The following FRMD3 variants were observed in gnomAD, a reference collection of about 807,000 sequenced individuals.
FRMD3 encodes the protein FERM domain-containing protein 3.
FRMD3 carries 33 observed loss-of-function variants against 70.2 expected under a neutral mutation model. The ratio of observed to expected loss-of-function variants is 0.47; its 90% CI spans 0.36 to 0.63. The LOEUF is 0.63. FRMD3 is among the 20% of genes least tolerant of loss of function. The pLI is 0.00. For missense variants in FRMD3, 632 were observed against 711.4 expected (o/e 0.89, Z 1.27); for synonymous variants, 279 against 255.9 (o/e 1.09, Z -0.86).
intron 2 of FRMD3, among the ~76,000 whole-genome samples, chr9:83,374,846 C>T (rs1825092495): frequency 6.6e-6 from 1 of 152,114 alleles, no homozygotes; most frequent in African/African-American, 2.4e-5. Flanking sequence ...GGTTAAATTA[C>T]TTTTCTAGAA....
At chr9:83,553,724 A>C in the FRMD3 span, among the ~76,000 whole-genome samples, 1 of 152,150 alleles carries the variant, frequency 6.6e-6, no homozygotes, top group African/African-American at 2.4e-5. Context: ...GGATCTCTTT[A>C]TACCAGCTAT....
At chr9:83,349,799 G>C (rs763997318) in intron 3 of FRMD3, 42 bp from the exon 4 acceptor site, 2 of 1,472,078 alleles carry the variant, frequency 1.4e-6, no homozygotes, top group African/African-American at 1.4e-5. Context: ...AGCAGCAAAA[G>C]ACCATGGCCT....
At chr9:83,427,657 G>A (rs1310639953) in intron 1 of FRMD3, among the ~76,000 whole-genome samples, 2 of 151,876 alleles carry the variant, frequency 1.3e-5, no homozygotes, top group Admixed American at 1.3e-4. Context: ...ACAAATATAA[G>A]TATTTATATA....
At chr9:83,421,691 C>G (rs773760294) in intron 1 of FRMD3, among the ~76,000 whole-genome samples, 1 of 152,156 alleles carries the variant, frequency 6.6e-6, no homozygotes, top group Non-Finnish European at 1.5e-5. Context: ...GCCCTCTCCT[C>G]CCTGGAGCCA....
At chr9:83,569,787 A>G in the FRMD3 span, among the ~76,000 whole-genome samples, 1 of 152,182 alleles carries the variant, frequency 6.6e-6, no homozygotes, top group East Asian at 1.9e-4. Flanking sequence ...ACTTAATTTA[A>G]TATATACTTC....
chr9:83,337,875 A>G (rs886916864), intron 5 of FRMD3, among the ~76,000 whole-genome samples: 2 of 152,204 alleles, frequency 1.3e-5, no homozygotes, highest in Non-Finnish European at 2.9e-5. Context: ...TAAGACCTAA[A>G]ATACTTTCAG....
intron 1 of FRMD3, among the ~76,000 whole-genome samples, chr9:83,431,270 C>T (rs1293506033): frequency 4.6e-5 from 7 of 152,184 alleles, no homozygotes; most frequent in African/African-American, 1.4e-4. Flanking sequence ...TAATGTATTT[C>T]GTGTTTTGCA....
At chr9:83,403,471 G>A (rs1826011507) in intron 1 of FRMD3, among the ~76,000 whole-genome samples, 1 of 152,102 alleles carries the variant, frequency 6.6e-6, no homozygotes, top group Admixed American at 6.5e-5. Flanking sequence ...AGTTATACTT[G>A]GTGTAGCTTG....
chr9:83,481,287 GT>G (rs1326410970), intron 1 of FRMD3, among the ~76,000 whole-genome samples: 2 of 152,220 alleles, frequency 1.3e-5, no homozygotes, highest in African/African-American at 4.8e-5. Context: ...ATGCAAGTGT[GT>G]CGTGAACTAA....
At chr9:83,310,447 A>T (rs747312957) in intron 9 of FRMD3, 38 bp downstream of exon 9, 1 of 1,520,380 alleles carries the variant, frequency 6.6e-7, no homozygotes, top group Non-Finnish European at 9.1e-7. Context: ...TCTCATGCAC[A>T]CACAATAACA....
chr9:83,250,845 C>G (rs953903805), intron 13 of FRMD3, among the ~76,000 whole-genome samples: 4 of 152,232 alleles, frequency 2.6e-5, no homozygotes, highest in Admixed American at 2.0e-4. Context: ...GTTCTACAGA[C>G]AGAGCTTTGA....
At chr9:83,378,476 TTATATATATAATA>T (rs779724246) in intron 2 of FRMD3, among the ~76,000 whole-genome samples, 32,512 of 91,504 alleles carry the variant, frequency 0.36, 6,309 homozygotes, top group Non-Finnish European at 0.39. Context: ...CATATAAAAT[TTATATATATAATA>T]TACATATAAA....
At chr9:83,417,134 A>C (rs1191861702) in intron 1 of FRMD3, among the ~76,000 whole-genome samples, 2 of 152,220 alleles carry the variant, frequency 1.3e-5, no homozygotes, top group African/African-American at 4.8e-5. Flanking sequence ...TAATTTTTTG[A>C]GTTGAAAATA....
At position 83,321,524 on chromosome 9, in the gene FRMD3, G is replaced by T. The variant is rs183399225; in HGVS notation, c.597-7777C>A. Among the ~76,000 whole-genome samples, 3 of 152,236 alleles carry T rather than the reference G, an allele frequency of 2.0e-5. No homozygotes were observed. In the East Asian group the frequency reaches 5.8e-4, roughly 29 times the overall value. ...TGGCAGTGATTTCTAGCTTTATTCT[G>T]CTGTGGTCTGGGAAGATATTTAATA... On this transcript the variant is annotated intron_variant, in intron 6 of 13. Coordinates refer to ENST00000304195, the MANE Select transcript of FRMD3 (RefSeq NM_174938.6).
At chr9:83,515,861 C>A (rs1370788657) in intron 1 of FRMD3, among the ~76,000 whole-genome samples, 3 of 152,096 alleles carry the variant, frequency 2.0e-5, no homozygotes, top group Non-Finnish European at 2.9e-5. Flanking sequence ...TCATATCCAG[C>A]CAAACTAAGC....
intron 3 of FRMD3, among the ~76,000 whole-genome samples, chr9:83,352,935 C>T (rs1362418798): frequency 6.6e-6 from 1 of 152,168 alleles, no homozygotes; most frequent in Admixed American, 6.5e-5. Context: ...CCTCCATTTG[C>T]TGGGATATGA....
intron 1 of FRMD3, among the ~76,000 whole-genome samples, chr9:83,393,946 G>GTTTT (rs150546083): frequency 6.8e-6 from 1 of 147,288 alleles, no homozygotes; most frequent in Admixed American, 6.7e-5. Context: ...TTTTGTTGTT[G>GTTTT]TTGTTTTTTT....
intron 1 of FRMD3, among the ~76,000 whole-genome samples, chr9:83,466,816 G>A (rs1828140202): frequency 6.6e-6 from 1 of 152,204 alleles, no homozygotes; most frequent in South Asian, 2.1e-4. Context: ...ATGTGTGGGA[G>A]GTTAACTACA....
chr9:83,492,492 T>C (rs1434956704), intron 1 of FRMD3, among the ~76,000 whole-genome samples: 1 of 152,130 alleles, frequency 6.6e-6, no homozygotes, highest in African/African-American at 2.4e-5. Context: ...AAGGCTTCCT[T>C]CCCACCTGCA....
Sources: allele counts gnomAD v4.1 joint callset (sites outside exome capture counted in the v4.1 genomes callset), GRCh38; gene constraint gnomAD v4.1.1; transcripts MANE v1.5; gene names NCBI Gene and HGNC (gene_info 2026-07-23, HGNC 2026-07-21).